Variants in IL34 observed in about 807,000 individuals in gnomAD.
The protein encoded by IL34 is interleukin-34.
IL34 carries 17 observed loss-of-function variants against 25.3 expected under a neutral mutation model. The ratio of observed to expected loss-of-function variants is 0.67; its 90% CI spans 0.46 to 1.01. The LOEUF is 1.01. Ranked by LOEUF, IL34 falls within the 50% of genes least tolerant of loss-of-function variation. The pLI, the probability that IL34 is intolerant of heterozygous loss-of-function variation, is 0.00. For synonymous variants in IL34, 174 were observed against 140.9 expected, an observed-to-expected ratio of 1.23 and a Z score of -1.66; for missense variants, 368 against 312.9, an observed-to-expected ratio of 1.18 and a Z score of -1.33.
Position 70,656,983 on chromosome 16 carries a change from G to A in IL34, c.264G>A (p.Arg88=). The A allele has an allele frequency of 6.2e-7, 1 of 1,610,836 alleles. No homozygotes were observed. Among genetic ancestry groups the A allele is most frequent in the Non-Finnish European group, 8.5e-7 (1 of 1,179,072 alleles). ...AGCAGAGGGCCCAGGTGAGCGAGCGGGAGCTGCGGTATCTGTGGGTCTTGG... is the reference window on the plus strand; with the variant it reads ...AGCAGAGGGCCCAGGTGAGCGAGCGAGAGCTGCGGTATCTGTGGGTCTTGG... ...TRLQRAQVSE[R]ELRYLWVLVS... is the part of the protein sequence containing the mutation. The change falls in exon 4 of 6, where the codon CGG becomes CGA. Residue 88 remains arginine (R), a synonymous_variant. Transcript: ENST00000288098.
At chr16:70,656,863 G>T (rs537525461) in intron 3 of IL34, 97 bp from the exon 4 acceptor site, 5 of 1,377,736 alleles carry the variant, frequency 3.6e-6, no homozygotes, top group Non-Finnish European at 2.0e-6. Context: ...GACGGCCCGC[G>T]TCTGCTCCCT....
At position 70,655,077 on chromosome 16, in the gene IL34, G is replaced by A. The variant is rs1190195425; in HGVS notation, c.162+406G>A. Among the ~76,000 whole-genome samples the A allele has an allele frequency of 4.7e-5, 7 of 150,208 alleles. No individual in the cohort carries two copies. The East Asian group carries it at 9.7e-4, about 21-fold the overall frequency. ...ATGTATCTTTTTTTTTTTTTGAGAC[G>A]GAGTCTTGGTCTGTCACCAGGCTGG... On this transcript the variant is annotated intron_variant, in intron 2 of 5. Coordinates refer to ENST00000288098, the MANE Select transcript of IL34 (RefSeq NM_001393494.1).
intron 1 of IL34, among the ~76,000 whole-genome samples, chr16:70,588,663 A>G (rs1374344012): frequency 6.6e-6 from 1 of 152,234 alleles, no homozygotes; most frequent in Admixed American, 6.5e-5. Context: ...GTGTTCATCA[A>G]CAGATGAATG....
intron 1 of IL34, among the ~76,000 whole-genome samples, chr16:70,602,801 T>A (rs8049221): frequency 0.48 from 72,253 of 151,932 alleles, 17,605 homozygotes; most frequent in South Asian, 0.64. Context: ...CAGTCTCCCA[T>A]GTGGCTAGGA....
In IL34 at chr16:70,625,973, C is replaced by G. The variant is rs2051384340; in HGVS notation, c.-400-20575C>G. 2.0e-5 allele frequency among the ~76,000 whole-genome samples: 3 copies of G among 152,318 alleles called. No individual in the cohort carries two copies. In the South Asian group the frequency reaches 6.2e-4, roughly 32 times the overall value. On this transcript the variant is annotated intron_variant, in intron 1 of 6. Transcript: ENST00000429149. ...AAGAGCAGGAGGACAGGGGATTGAT[C>G]TCCCAAGGGAGGTCCCCCGATCCGA...
In IL34 at chr16:70,660,476, G is replaced by C. The variant is rs918224508; in HGVS notation, c.*289G>C. 2.1e-5 allele frequency: 7 copies of C among 339,704 alleles called. No homozygotes were observed. The South Asian group carries it at 4.4e-4, about 21-fold the overall frequency. 21.0% of individuals were successfully genotyped at this position (339,704 alleles called of 1,614,324 possible). ...TGCCCTCACTGTCCCCCCGCCTAAA[G>C]GGGGTACTGAGCCTCCTGTGGCCCG... On this transcript the variant is annotated 3_prime_UTR_variant, in exon 6 of 6. Transcript: ENST00000288098.
At chr16:70,654,886 C>G (rs955572892) in intron 2 of IL34, among the ~76,000 whole-genome samples, 1 of 152,138 alleles carries the variant, frequency 6.6e-6, no homozygotes, top group Non-Finnish European at 1.5e-5. Flanking sequence ...CCCTCCTCCT[C>G]GATCTCACTT....
chr16:70,605,961 C>T (rs572368336), intron 1 of IL34, among the ~76,000 whole-genome samples: 124 of 145,766 alleles, frequency 8.5e-4, no homozygotes, highest in African/African-American at 3.1e-3. Flanking sequence ...CGTGAGCCAC[C>T]GCACCTGGTT....
chr16:70,627,631 G>A (rs1361903009), intron 1 of IL34, among the ~76,000 whole-genome samples: 1 of 151,950 alleles, frequency 6.6e-6, no homozygotes, highest in African/African-American at 2.4e-5. Context: ...ACCATACCTG[G>A]CTAATCTTTT....
chr16:70,638,769 A>G (rs1286005109), intron 1 of IL34, among the ~76,000 whole-genome samples: 2 of 151,972 alleles, frequency 1.3e-5, no homozygotes, highest in Non-Finnish European at 1.5e-5. Flanking sequence ...ATTTGTAGAG[A>G]TTAGGTCTCT....
At chr16:70,609,276 G>A (rs1484789996) in intron 1 of IL34, among the ~76,000 whole-genome samples, 1 of 151,922 alleles carries the variant, frequency 6.6e-6, no homozygotes, top group Non-Finnish European at 1.5e-5. Context: ...ACGGGGTTTC[G>A]CCATGTTGGC....
rs369129698 is a variant in IL34, at chr16:70,588,561, C to A, written c.-401+8512C>A. 7.3e-5 allele frequency among the ~76,000 whole-genome samples: 11 copies of A among 151,694 alleles called. No homozygotes were observed. In the East Asian group the frequency reaches 2.1e-3, roughly 29 times the overall value. On this transcript the variant is annotated intron_variant, in intron 1 of 6. Coordinates refer to the IL34 transcript ENST00000429149. Reference sequence around the variant, plus strand: ...AGCAATCCCACTTCTGGATATATACCAAAAAGAACTAAAAGCAGAGTCTCA... The same window carrying A: ...AGCAATCCCACTTCTGGATATATACAAAAAAGAACTAAAAGCAGAGTCTCA...
rs185739843 is a variant in IL34, at chr16:70,627,963, A to T, written c.-400-18585A>T. On this transcript the variant is annotated intron_variant, in intron 1 of 6. Transcript: ENST00000429149. ...CTGTTGGATATTTACTTACGAAAGAAATTGCTAAGCTGTGGGATATGCACA... is the reference window on the plus strand; with the variant it reads ...CTGTTGGATATTTACTTACGAAAGATATTGCTAAGCTGTGGGATATGCACA... Among the ~76,000 whole-genome samples the T allele has an allele frequency of 6.0e-4, 91 of 152,320 alleles. 1 individual carries two copies. The highest frequency in any genetic ancestry group is 1.1e-3 in the Non-Finnish European group (73 of 68,028).
intron 1 of IL34, among the ~76,000 whole-genome samples, chr16:70,603,866 A>G (rs1348153808): frequency 6.6e-6 from 1 of 152,186 alleles, no homozygotes; most frequent in Non-Finnish European, 1.5e-5. Context: ...GCAGGTGTGC[A>G]CCACTGCACC....
At chr16:70,598,508 G>C (rs895451275) in intron 1 of IL34, among the ~76,000 whole-genome samples, 2 of 152,168 alleles carry the variant, frequency 1.3e-5, no homozygotes, top group African/African-American at 2.4e-5. Flanking sequence ...GGAGGCCAAG[G>C]CTGGCGGATC....
upstream of IL34, among the ~76,000 whole-genome samples, chr16:70,645,207 G>C (rs1337763956): frequency 2.6e-5 from 4 of 152,058 alleles, no homozygotes; most frequent in African/African-American, 4.8e-5. Context: ...AGGAAAAGAG[G>C]AGCAGCAGCA....
chr16:70,620,356 C>A (rs1232431671), intron 1 of IL34, among the ~76,000 whole-genome samples: 1 of 152,068 alleles, frequency 6.6e-6, no homozygotes, highest in Non-Finnish European at 1.5e-5. Flanking sequence ...TTGGCTCCAG[C>A]CACCTTTTTA....
intron 1 of IL34, among the ~76,000 whole-genome samples, chr16:70,629,609 T>G (rs2051472479): frequency 6.6e-6 from 1 of 152,180 alleles, no homozygotes; most frequent in South Asian, 2.1e-4. Flanking sequence ...TATAAATAGT[T>G]GTTATACTAT....
At chr16:70,609,802 G>C (rs566338216) in intron 1 of IL34, among the ~76,000 whole-genome samples, 2 of 152,310 alleles carry the variant, frequency 1.3e-5, no homozygotes, top group South Asian at 4.1e-4. Flanking sequence ...GGCTGGCATG[G>C]TCACTGTGCC....
Sources: gnomAD v4.1 joint callset for allele counts (sites outside exome capture counted in the v4.1 genomes callset) on GRCh38, gnomAD v4.1.1 for gene constraint, MANE v1.5 for transcripts, NCBI Gene and HGNC (gene_info 2026-07-23, HGNC 2026-07-21) for gene names.